The following TRPC4 variants were observed in gnomAD, a reference collection of about 807,000 sequenced individuals.
TRPC4 encodes short transient receptor potential channel 4.
In TRPC4, 49 loss-of-function variants were observed where a neutral mutation model predicts 99.4. The ratio of observed to expected loss-of-function variants is 0.49; its 90% CI spans 0.39 to 0.63. TRPC4 has a LOEUF of 0.63. TRPC4 is among the 20% of genes least tolerant of loss of function. TRPC4 has a pLI of 0.00. For synonymous variants in TRPC4, 454 were observed against 425.9 expected, an observed-to-expected ratio of 1.07 and a Z score of -0.81; for missense variants, 898 against 1,152.9, an observed-to-expected ratio of 0.78 and a Z score of 3.20.
chr13:37,752,310 C>T (rs560456226), intron 2 of TRPC4, among the ~76,000 whole-genome samples: 9 of 151,630 alleles, frequency 5.9e-5, no homozygotes, highest in African/African-American at 1.7e-4. Context: ...TTAGAACATT[C>T]GGCTGCCATT....
chr13:37,845,498 G>T (rs1958866612), intron 1 of TRPC4, among the ~76,000 whole-genome samples: 1 of 151,848 alleles, frequency 6.6e-6, no homozygotes, highest in Non-Finnish European at 1.5e-5. Flanking sequence ...TGGAGCTAAA[G>T]AATACAAAAA....
intron 3 of TRPC4, among the ~76,000 whole-genome samples, chr13:37,711,041 T>C (rs1253709262): frequency 1.3e-5 from 2 of 151,982 alleles, no homozygotes; most frequent in African/African-American, 2.4e-5. Flanking sequence ...CAAAGTCTAC[T>C]GTTGTGAATA....
chr13:37,648,976 A>G (rs546977350), intron 8 of TRPC4, among the ~76,000 whole-genome samples: 30 of 148,916 alleles, frequency 2.0e-4, no homozygotes, highest in African/African-American at 6.4e-4. Context: ...AAATTAAAAT[A>G]TGAAATACAT....
At chr13:37,841,091 AAGT>A (rs1452289765) in intron 1 of TRPC4, among the ~76,000 whole-genome samples, 1 of 152,138 alleles carries the variant, frequency 6.6e-6, no homozygotes, top group Admixed American at 6.5e-5. Context: ...TAAAATTTAA[AAGT>A]AGTTGAAATT....
intron 1 of TRPC4, among the ~76,000 whole-genome samples, chr13:37,817,722 A>C (rs1957899210): frequency 6.6e-6 from 1 of 152,022 alleles, no homozygotes; most frequent in Admixed American, 6.6e-5. Context: ...AAGAACCAAA[A>C]AAAAAGGCTG....
intron 1 of TRPC4, among the ~76,000 whole-genome samples, chr13:37,804,824 T>C (rs1004907152): frequency 2.6e-5 from 4 of 151,958 alleles, no homozygotes; most frequent in African/African-American, 7.2e-5. Flanking sequence ...TGAGGAAAGA[T>C]TGGGGAGTAA....
chr13:37,764,470 A>G, intron 2 of TRPC4, among the ~76,000 whole-genome samples: 1 of 147,320 alleles, frequency 6.8e-6, no homozygotes, highest in East Asian at 2.0e-4. Context: ...ATTGGTTACA[A>G]TAATTTGTAG....
intron 1 of TRPC4, among the ~76,000 whole-genome samples, chr13:37,842,313 G>A (rs1433455237): frequency 8.8e-6 from 1 of 114,174 alleles, no homozygotes; most frequent in Non-Finnish European, 1.7e-5. Context: ...ACACATTAGT[G>A]GTTTCTAGCA....
chr13:37,832,559 A>G (rs1958451988), intron 1 of TRPC4, among the ~76,000 whole-genome samples: 1 of 152,110 alleles, frequency 6.6e-6, no homozygotes, highest in Non-Finnish European at 1.5e-5. Flanking sequence ...AACAACAACA[A>G]AAACTCAATT....
intron 1 of TRPC4, among the ~76,000 whole-genome samples, chr13:37,824,657 C>T (rs1318307547): frequency 6.6e-6 from 1 of 152,106 alleles, no homozygotes; most frequent in Non-Finnish European, 1.5e-5. Context: ...TTTTGATGTG[C>T]TGCTGGATTC....
chr13:37,766,892 G>A (rs181930088), intron 2 of TRPC4, among the ~76,000 whole-genome samples: 1 of 151,380 alleles, frequency 6.6e-6, no homozygotes, highest in African/African-American at 2.4e-5. Context: ...ATGTAAGGAG[G>A]AGAAAGTAAT....
chr13:37,846,643 G>T (rs1205630291), intron 1 of TRPC4, among the ~76,000 whole-genome samples: 1 of 51,862 alleles, frequency 1.9e-5, no homozygotes, highest in Non-Finnish European at 4.1e-5. Flanking sequence ...CAGAAAGAGA[G>T]GAAGAAAAAA....
rs61955466 is a variant in TRPC4 at position 37,636,139 on chromosome 13, C to T, written c.*764G>A. On this transcript the variant is annotated 3_prime_UTR_variant, in exon 11 of 11. Coordinates refer to ENST00000379705, the MANE Select transcript of TRPC4 (RefSeq NM_016179.4). ...GCCATATTTTTGAAATTCAGTTATT[C>T]ATAAAGACTCATATTTATACTGATA... Among the ~76,000 whole-genome samples, 1 of 151,580 alleles carries T rather than the reference C, an allele frequency of 6.6e-6. No individual in the cohort carries two copies. Among genetic ancestry groups the T allele is most frequent in the Admixed American group, 6.6e-5 (1 of 15,188 alleles).
intron 2 of TRPC4, among the ~76,000 whole-genome samples, chr13:37,782,538 C>T (rs895577462): frequency 6.6e-5 from 10 of 151,862 alleles, no homozygotes; most frequent in Admixed American, 1.3e-4. Context: ...AACAGGCAAG[C>T]AGGTTAAATA....
At chr13:37,664,927 A>G (rs1168384713) in intron 5 of TRPC4, among the ~76,000 whole-genome samples, 2 of 152,206 alleles carry the variant, frequency 1.3e-5, no homozygotes, top group East Asian at 3.9e-4. Context: ...CTCTTGCTTG[A>G]CTGGCAGTGT....
chr13:37,797,115 G>A lies in TRPC4; in HGVS notation c.-27-13755C>T, dbSNP rs372023025. Among the ~76,000 whole-genome samples the A allele has an allele frequency of 7.2e-5, 11 of 151,828 alleles. No individual in the cohort carries two copies. The East Asian group carries it at 7.7e-4, about 11-fold the overall frequency. On this transcript the variant is annotated intron_variant, in intron 1 of 10. Coordinates refer to ENST00000379705, the MANE Select transcript of TRPC4 (RefSeq NM_016179.4). ...GGATTGCTTTAGCCCAGGAGGTCCA[G>A]ACTACAGTAAGCTGTGATCGTACCA...
intron 1 of TRPC4, among the ~76,000 whole-genome samples, chr13:37,790,281 A>G (rs554711485): frequency 6.6e-6 from 1 of 152,282 alleles, no homozygotes; most frequent in Non-Finnish European, 1.5e-5. Flanking sequence ...GATGCATAAG[A>G]CATCAGAAAG....
intron 5 of TRPC4, among the ~76,000 whole-genome samples, chr13:37,664,403 G>A (rs570728215): frequency 5.3e-5 from 8 of 151,950 alleles, no homozygotes; most frequent in African/African-American, 9.6e-5. Flanking sequence ...GAGAAACCCC[G>A]TCTCTACTAA....
At chr13:37,849,449 G>A (rs1958999477) in intron 1 of TRPC4, among the ~76,000 whole-genome samples, 1 of 152,096 alleles carries the variant, frequency 6.6e-6, no homozygotes, top group Admixed American at 6.6e-5. Flanking sequence ...GAGGAACAAA[G>A]TCAAAACCAA....
Sources: gnomAD v4.1 joint callset for allele counts (sites outside exome capture counted in the v4.1 genomes callset) on GRCh38, gnomAD v4.1.1 for gene constraint, MANE v1.5 for transcripts, NCBI Gene and HGNC (gene_info 2026-07-23, HGNC 2026-07-21) for gene names.